The following GPC6 variants were observed in gnomAD, a reference collection of about 807,000 sequenced individuals.
GPC6 encodes the protein glypican-6.
In GPC6, 14 loss-of-function variants were observed where a neutral mutation model predicts 55.2. That is an observed-to-expected ratio of 0.25 (90% confidence interval 0.17 to 0.40). The LOEUF is 0.40. Ranked by LOEUF, GPC6 falls within the 10% of genes least tolerant of loss-of-function variation. GPC6 has a pLI of 1.00. For missense variants in GPC6, 641 were observed against 708.5 expected, an observed-to-expected ratio of 0.90 and a Z score of 1.08; for synonymous variants, 278 against 259.6, an observed-to-expected ratio of 1.07 and a Z score of -0.68.
intron 1 of GPC6, chr13:93,395,377 G>T: frequency 5.4e-6 from 2 of 368,596 alleles, no homozygotes; most frequent in South Asian, 6.4e-5. Flanking sequence ...ATTTCGGAAT[G>T]ACAATCTTAT....
intron 4 of GPC6, among the ~76,000 whole-genome samples, chr13:94,093,994 A>G (rs1885583735): frequency 6.6e-6 from 1 of 152,154 alleles, no homozygotes; most frequent in Non-Finnish European, 1.5e-5. Flanking sequence ...TTAGATTTGA[A>G]AGAGAGTCCT....
chr13:93,274,765 A>G (rs1487117737), intron 1 of GPC6, among the ~76,000 whole-genome samples: 5 of 152,210 alleles, frequency 3.3e-5, no homozygotes, highest in Non-Finnish European at 7.3e-5. Context: ...AATATAGTGC[A>G]AAAAATATAT....
chr13:93,442,686 AG>A (rs1314423793), intron 1 of GPC6, among the ~76,000 whole-genome samples: 1 of 152,322 alleles, frequency 6.6e-6, no homozygotes, highest in East Asian at 1.9e-4. Context: ...ATTATAAACA[AG>A]CCAGCTATAT....
intron 3 of GPC6, among the ~76,000 whole-genome samples, chr13:93,866,085 G>T (rs1349125038): frequency 1.3e-5 from 2 of 151,684 alleles, no homozygotes; most frequent in Non-Finnish European, 3.0e-5. Flanking sequence ...ACCAAAGAGT[G>T]GTGGACTCTG....
intron 2 of GPC6, among the ~76,000 whole-genome samples, chr13:93,579,993 C>T (rs984109561): frequency 9.2e-5 from 14 of 152,138 alleles, no homozygotes; most frequent in African/African-American, 3.4e-4. Flanking sequence ...GTAAAATGTA[C>T]TCTGCTTATT....
intron 4 of GPC6, among the ~76,000 whole-genome samples, chr13:94,039,612 T>C (rs550118932): frequency 2.0e-4 from 31 of 151,882 alleles, no homozygotes; most frequent in Non-Finnish European, 4.0e-4. Flanking sequence ...TGAGAAACAG[T>C]GGGACCAAAA....
At chr13:93,616,755 T>C (rs961268401) in intron 2 of GPC6, among the ~76,000 whole-genome samples, 5 of 152,058 alleles carry the variant, frequency 3.3e-5, no homozygotes, top group African/African-American at 1.2e-4. Flanking sequence ...CACAAACAAT[T>C]CCCACAACCA....
chr13:94,374,528 G>A, intron 6 of GPC6, among the ~76,000 whole-genome samples: 1 of 135,634 alleles, frequency 7.4e-6, no homozygotes, highest in South Asian at 2.6e-4. Flanking sequence ...AAATATATAT[G>A]CACCCAATAC....
intron 1 of GPC6, among the ~76,000 whole-genome samples, chr13:93,364,758 A>C (rs1036216603): frequency 6.6e-6 from 1 of 151,636 alleles, no homozygotes; most frequent in African/African-American, 2.4e-5. Context: ...ATATATATGT[A>C]TATCTCCAAT....
chr13:93,300,817 C>T (rs557903789), intron 1 of GPC6, among the ~76,000 whole-genome samples: 2 of 151,802 alleles, frequency 1.3e-5, no homozygotes, highest in East Asian at 3.9e-4. Flanking sequence ...GTCAGGAGTT[C>T]GAGACCAGTC....
chr13:93,645,510 G>A (rs1179424199), intron 2 of GPC6, among the ~76,000 whole-genome samples: 1 of 152,066 alleles, frequency 6.6e-6, no homozygotes, highest in South Asian at 2.1e-4. Flanking sequence ...TTTTTTAATA[G>A]CCTGAAGAGT....
intron 3 of GPC6, among the ~76,000 whole-genome samples, chr13:94,026,550 A>C (rs1029245548): frequency 2.6e-5 from 4 of 152,058 alleles, no homozygotes; most frequent in African/African-American, 9.7e-5. Flanking sequence ...CAACCAAATG[A>C]ATATGGCAAC....
chr13:93,954,129 A>G (rs935360855), intron 3 of GPC6, among the ~76,000 whole-genome samples: 9 of 152,108 alleles, frequency 5.9e-5, no homozygotes, highest in African/African-American at 2.2e-4. Flanking sequence ...CCTATTCTAG[A>G]TCTTTCTTCT....
At chr13:93,678,330 T>C (rs1474156205) in intron 2 of GPC6, among the ~76,000 whole-genome samples, 1 of 152,176 alleles carries the variant, frequency 6.6e-6, no homozygotes, top group African/African-American at 2.4e-5. Flanking sequence ...TTTTAATAAT[T>C]CAGTATTGAT....
intron 1 of GPC6, among the ~76,000 whole-genome samples, chr13:93,367,934 C>G (rs1881306274): frequency 6.6e-6 from 1 of 152,078 alleles, no homozygotes; most frequent in Non-Finnish European, 1.5e-5. Flanking sequence ...ATAAATGTCA[C>G]TTCGATCCTT....
intron 3 of GPC6, among the ~76,000 whole-genome samples, chr13:93,899,744 A>C (rs535377361): frequency 6.6e-6 from 1 of 152,266 alleles, no homozygotes; most frequent in African/African-American, 2.4e-5. Flanking sequence ...GATCCAAAAC[A>C]ACCAGTTTTC....
chr13:94,115,975 A>G (rs1886418261), intron 4 of GPC6, among the ~76,000 whole-genome samples: 1 of 152,092 alleles, frequency 6.6e-6, no homozygotes, highest in Admixed American at 6.6e-5. Flanking sequence ...ATTGCCCCAT[A>G]CCTATTTCAT....
chr13:93,753,354 C>A (rs988370557), intron 2 of GPC6, among the ~76,000 whole-genome samples: 1 of 152,110 alleles, frequency 6.6e-6, no homozygotes, highest in Non-Finnish European at 1.5e-5. Flanking sequence ...AAATAATTAG[C>A]AAATAAGATA....
chr13:93,964,672 T>G (rs921836553), intron 3 of GPC6, among the ~76,000 whole-genome samples: 6 of 152,228 alleles, frequency 3.9e-5, no homozygotes, highest in Non-Finnish European at 8.8e-5. Context: ...AATAGCGTAT[T>G]TTATTCCTGA....
Sources: allele counts gnomAD v4.1 joint callset (sites outside exome capture counted in the v4.1 genomes callset), GRCh38; gene constraint gnomAD v4.1.1; transcripts MANE v1.5; gene names NCBI Gene and HGNC (gene_info 2026-07-23, HGNC 2026-07-21).